Variants in SOD2 observed in about 807,000 individuals in gnomAD.
SOD2 encodes superoxide dismutase [Mn], mitochondrial.
A neutral mutation model predicts 27.0 loss-of-function variants in SOD2; 11 were observed. The ratio of observed to expected loss-of-function variants is 0.41; its 90% CI spans 0.26 to 0.67. The LOEUF (loss-of-function observed/expected upper bound fraction) is 0.67. Among genes scored for constraint, SOD2 ranks in the 30% least tolerant of loss-of-function variants. The pLI is 0.34. For missense variants in SOD2, 250 were observed against 274.5 expected, an observed-to-expected ratio of 0.91 and a Z score of 0.63; for synonymous variants, 105 against 103.0, an observed-to-expected ratio of 1.02 and a Z score of -0.12.
In SOD2 at chr6:159,690,590, CT is replaced by C. The variant is rs1031317118; in HGVS notation, c.226+2070del. On this transcript the variant is annotated intron_variant, in intron 2 of 4. Coordinates refer to ENST00000538183, the MANE Select transcript of SOD2 (RefSeq NM_000636.4). ...TCAAAGGGTTTTTTAAAGACACCAA[CT>C]TTTTTTTTCCTTTGTTAGGTTTACA... 2.5e-4 allele frequency among the ~76,000 whole-genome samples: 36 copies of C among 144,134 alleles called. 1 individual carries two copies. Among genetic ancestry groups the C allele is most frequent in the African/African-American group, 7.4e-4 (29 of 39,090 alleles). 94.6% of individuals were successfully genotyped at this position (144,134 alleles called of 152,430 possible).
chr6:159,698,188 G>A (rs1263317414), upstream of SOD2, among the ~76,000 whole-genome samples: 5 of 152,136 alleles, frequency 3.3e-5, no homozygotes, highest in South Asian at 2.1e-4. Context: ...CAGAAGAATC[G>A]CTTGAACCCG....
chr6:159,747,519 A>G (rs528321716), upstream of SOD2, among the ~76,000 whole-genome samples: 2 of 152,330 alleles, frequency 1.3e-5, no homozygotes, highest in East Asian at 3.9e-4. Context: ...AAGGTCCTAT[A>G]GAGTTTTGCT....
At chr6:159,685,115 A>C in intron 3 of SOD2, 82 bp from the exon 4 acceptor site, 1 of 1,002,070 alleles carries the variant, frequency 1.0e-6, no homozygotes, top group Non-Finnish European at 1.3e-6. Flanking sequence ...CATGTATTAA[A>C]ATATTTTTGT....
intron 3 of SOD2, among the ~76,000 whole-genome samples, chr6:159,685,667 A>AC (rs879431943): frequency 9.6e-4 from 109 of 113,102 alleles, no homozygotes; most frequent in African/African-American, 3.4e-3. Flanking sequence ...AACAGTTTTC[A>AC]CCCCCCGTCC....
At chr6:159,760,032 CAGT>C (rs1780090721) in intron 1 of SOD2, among the ~76,000 whole-genome samples, 1 of 152,114 alleles carries the variant, frequency 6.6e-6, no homozygotes, top group African/African-American at 2.4e-5. Context: ...CTTATGTAGT[CAGT>C]AGAGGAGACA....
chr6:159,741,185 A>G (rs1779234078), intron 1 of SOD2, among the ~76,000 whole-genome samples: 1 of 152,128 alleles, frequency 6.6e-6, no homozygotes, highest in Admixed American at 6.5e-5. Context: ...ACTAGGAAAA[A>G]TCTTTATTGC....
chr6:159,682,778 T>C, intron 4 of SOD2, 140 bp from the exon 5 acceptor site: 1 of 701,568 alleles, frequency 1.4e-6, no homozygotes, highest in Non-Finnish European at 2.2e-6. Flanking sequence ...TTTATATAAG[T>C]AGGAAATCTA....
chr6:159,706,443 AC>A (rs910767325), intron 1 of SOD2, among the ~76,000 whole-genome samples: 1 of 152,208 alleles, frequency 6.6e-6, no homozygotes, highest in Non-Finnish European at 1.5e-5. Context: ...CAAGTGGAAT[AC>A]AAAAAAAGGC....
intron 1 of SOD2, among the ~76,000 whole-genome samples, chr6:159,712,600 C>T (rs550129596): frequency 4.8e-4 from 72 of 149,200 alleles, no homozygotes; most frequent in African/African-American, 1.4e-3. Context: ...GCCTCCACAA[C>T]GACCACTCAG....
At chr6:159,748,090 A>G (rs1779683994), upstream of SOD2, 2 of 1,399,728 alleles carry the variant, frequency 1.4e-6, no homozygotes, top group Non-Finnish European at 1.9e-6. This position sits in a 1 kb window ranked among gnomAD's most constrained non-coding sequence, Gnocchi z 5.6. Context: ...GAGGAGCTTA[A>G]TGAAAGAGTT....
At chr6:159,688,840 C>A (rs1780314490) in intron 2 of SOD2, among the ~76,000 whole-genome samples, 1 of 152,096 alleles carries the variant, frequency 6.6e-6, no homozygotes, top group Non-Finnish European at 1.5e-5. Flanking sequence ...TTAGCAAAGC[C>A]AGCTCTACCT....
intron 1 of SOD2, chr6:159,754,982 A>T: frequency 6.7e-7 from 1 of 1,498,094 alleles, no homozygotes; most frequent in Non-Finnish European, 8.9e-7. Context: ...AACATTTTTC[A>T]ATGTTATAAA....
intron 1 of SOD2, among the ~76,000 whole-genome samples, chr6:159,700,328 C>T (rs1024670032): frequency 2.0e-5 from 3 of 152,134 alleles, no homozygotes; most frequent in African/African-American, 7.2e-5. Flanking sequence ...TTTTCTGGTT[C>T]TTCATCTGAA....
chr6:159,689,997 T>A (rs1201598054), intron 2 of SOD2, among the ~76,000 whole-genome samples: 1 of 144,904 alleles, frequency 6.9e-6, no homozygotes, highest in Non-Finnish European at 1.5e-5. Flanking sequence ...AAAACATACA[T>A]ACAAGGCCAG....
intron 1 of SOD2, among the ~76,000 whole-genome samples, chr6:159,715,995 T>A (rs1583042939): frequency 6.6e-6 from 1 of 152,342 alleles, no homozygotes; most frequent in East Asian, 1.9e-4. Flanking sequence ...AAGTTTGGTT[T>A]TCTGGAAATG....
intron 1 of SOD2, chr6:159,739,002 G>C (rs1779085267): frequency 6.2e-7 from 1 of 1,611,836 alleles, no homozygotes; most frequent in Non-Finnish European, 8.5e-7. Context: ...TCGATTGAGT[G>C]AAACAGACTT....
upstream of SOD2, chr6:159,749,442 A>G (rs1163475368): frequency 1.1e-6 from 1 of 908,130 alleles, no homozygotes; most frequent in Non-Finnish European, 1.3e-6. Flanking sequence ...TTTTTTTTTT[A>G]AGTTCAAAGA....
At chr6:159,753,586 C>T (rs1020909383) in intron 1 of SOD2, 1 of 1,613,634 alleles carries the variant, frequency 6.2e-7, no homozygotes, top group Non-Finnish European at 8.5e-7. Flanking sequence ...AGAAGAAATA[C>T]AGTGAGGAGC....
intron 1 of SOD2, among the ~76,000 whole-genome samples, chr6:159,734,996 C>T (rs1778818936): frequency 6.6e-6 from 1 of 152,102 alleles, no homozygotes; most frequent in Admixed American, 6.5e-5. Context: ...GTGTTCCCTA[C>T]TTGAATTCAT....
Sources: gnomAD v4.1 joint callset for allele counts (sites outside exome capture counted in the v4.1 genomes callset) on GRCh38, gnomAD v4.1.1 for gene constraint, Gnocchi (gnomAD v3.1) non-coding constraint, MANE v1.5 for transcripts, NCBI Gene and HGNC (gene_info 2026-07-23, HGNC 2026-07-21) for gene names.